Variants in NEDD9 observed in about 807,000 individuals in gnomAD.
NEDD9 encodes the protein neural precursor cell expressed, developmentally down-regulated 9.
A neutral mutation model predicts 76.6 loss-of-function variants in NEDD9; 26 were observed. That is an observed-to-expected ratio of 0.34 (90% CI 0.25 to 0.47). The LOEUF (loss-of-function observed/expected upper bound fraction) is 0.47. Among genes scored for constraint, NEDD9 ranks in the 20% least tolerant of loss-of-function variants. NEDD9 has a pLI of 1.00. For synonymous variants in NEDD9, 392 were observed against 414.2 expected (o/e 0.95, Z 0.65); for missense variants, 937 against 1,058.5 (o/e 0.89, Z 1.59).
chr6:11,313,127 T>C (rs888964963), intron 2 of NEDD9, among the ~76,000 whole-genome samples: 1 of 151,870 alleles, frequency 6.6e-6, no homozygotes, highest in African/African-American at 2.4e-5. Flanking sequence ...GATGGGTAGA[T>C]GAATGGATGG....
chr6:11,209,976 T>TTTTTTTTTTTTTTG (rs1291389337), intron 2 of NEDD9, among the ~76,000 whole-genome samples: 1 of 147,000 alleles, frequency 6.8e-6, no homozygotes, highest in Non-Finnish European at 1.5e-5. Context: ...CTGTCTTTTT[T>TTTTTTTTTTTTTTG]TTTTCCTTAA....
intron 2 of NEDD9, among the ~76,000 whole-genome samples, chr6:11,325,462 C>A (rs1292093439): frequency 1.3e-5 from 2 of 152,050 alleles, no homozygotes; most frequent in East Asian, 1.9e-4. Context: ...ATGCAAATTG[C>A]ATCATTTGGA....
At chr6:11,273,648 T>A (rs1204245421) in intron 3 of NEDD9, among the ~76,000 whole-genome samples, 1 of 152,176 alleles carries the variant, frequency 6.6e-6, no homozygotes, top group Non-Finnish European at 1.5e-5. Context: ...TATTTGAGGT[T>A]GTGAGTCAAT....
At chr6:11,279,124 C>T (rs537879076) in intron 3 of NEDD9, among the ~76,000 whole-genome samples, 5 of 152,156 alleles carry the variant, frequency 3.3e-5, no homozygotes, top group African/African-American at 1.2e-4. Flanking sequence ...TTGTCTTCAC[C>T]CTAAAAGGCT....
chr6:11,380,372 C>T (rs921217165), intron 1 of NEDD9, among the ~76,000 whole-genome samples: 4 of 152,164 alleles, frequency 2.6e-5, no homozygotes, highest in Admixed American at 1.3e-4. Context: ...TGAAGGGCCC[C>T]GCCACTGTGG....
At chr6:11,282,941 T>C (rs1165216371) in intron 3 of NEDD9, among the ~76,000 whole-genome samples, 2 of 152,238 alleles carry the variant, frequency 1.3e-5, no homozygotes, top group Admixed American at 6.5e-5. Context: ...GTCGTTATGA[T>C]CACCTACAAT....
chr6:11,314,842 C>G (rs1003595089), intron 2 of NEDD9, among the ~76,000 whole-genome samples: 1 of 150,408 alleles, frequency 6.6e-6, no homozygotes, highest in Non-Finnish European at 1.5e-5. Flanking sequence ...TCAGTTTCCT[C>G]AGGCATCAAA....
chr6:11,232,676 C>T, upstream of NEDD9: 2 of 1,492,824 alleles, frequency 1.3e-6, no homozygotes, highest in Non-Finnish European at 8.9e-7. Context: ...TCTGAGCTCA[C>T]TGTTGTGACT....
intron 3 of NEDD9, among the ~76,000 whole-genome samples, chr6:11,278,502 T>A (rs184474344): frequency 6.6e-6 from 1 of 152,322 alleles, no homozygotes; most frequent in East Asian, 1.9e-4. Flanking sequence ...CTCTCCTAGC[T>A]TGAGGTCACA....
intron 3 of NEDD9, among the ~76,000 whole-genome samples, chr6:11,301,753 T>C (rs1220841021): frequency 1.3e-5 from 2 of 152,174 alleles, no homozygotes; most frequent in Non-Finnish European, 2.9e-5. Flanking sequence ...AACAACATGC[T>C]CCTGAATGAC....
intron 1 of NEDD9, among the ~76,000 whole-genome samples, chr6:11,368,082 T>C (rs1762800228): frequency 6.6e-6 from 1 of 152,166 alleles, no homozygotes; most frequent in Non-Finnish European, 1.5e-5. Flanking sequence ...GCAACTCAAT[T>C]ACCCAGGGCC....
upstream of NEDD9, among the ~76,000 whole-genome samples, chr6:11,236,952 G>A (rs1413034811): frequency 6.6e-6 from 1 of 152,068 alleles, no homozygotes; most frequent in East Asian, 1.9e-4. This position sits in a 1 kb window ranked among gnomAD's most constrained non-coding sequence, Gnocchi z 5.5. Context: ...TTGGGAGTGT[G>A]GGGTTGCCGG....
chr6:11,285,822 C>G (rs1422729712), intron 3 of NEDD9, among the ~76,000 whole-genome samples: 1 of 152,114 alleles, frequency 6.6e-6, no homozygotes, highest in African/African-American at 2.4e-5. Flanking sequence ...AAATAGTGCA[C>G]TTCAGTTCAT....
chr6:11,327,669 G>A (rs1390333984), intron 2 of NEDD9, among the ~76,000 whole-genome samples: 1 of 152,210 alleles, frequency 6.6e-6, no homozygotes, highest in East Asian at 1.9e-4. Flanking sequence ...AGTGAAAGAG[G>A]GCCTGCTGGA....
chr6:11,186,368 C>T (rs929796815), intron 6 of NEDD9, among the ~76,000 whole-genome samples: 5 of 152,180 alleles, frequency 3.3e-5, no homozygotes, highest in Admixed American at 3.3e-4. Context: ...GAGTCAGATG[C>T]ATCAGGTGCT....
chr6:11,192,749 A>G (rs1758183573), intron 3 of NEDD9, among the ~76,000 whole-genome samples: 1 of 150,866 alleles, frequency 6.6e-6, no homozygotes, highest in Non-Finnish European at 1.5e-5. Context: ...CCTGGCCAAC[A>G]TGGTAAAACC....
At chr6:11,318,864 A>AT (rs768285540) in intron 2 of NEDD9, among the ~76,000 whole-genome samples, 9 of 152,344 alleles carry the variant, frequency 5.9e-5, no homozygotes, top group Non-Finnish European at 8.8e-5. Flanking sequence ...AGCGTCTCTG[A>AT]TAACCCAGTT....
chr6:11,353,759 T>C (rs982890746), intron 1 of NEDD9, among the ~76,000 whole-genome samples: 1 of 152,216 alleles, frequency 6.6e-6, no homozygotes, highest in African/African-American at 2.4e-5. Flanking sequence ...AAATTAGAGA[T>C]GTATTACATG....
intron 1 of NEDD9, among the ~76,000 whole-genome samples, chr6:11,227,722 C>T (rs1184275973): frequency 6.6e-6 from 1 of 152,136 alleles, no homozygotes; most frequent in East Asian, 1.9e-4. Flanking sequence ...CAGTAGGCAA[C>T]CTATCTGAGT....
Sources: allele counts gnomAD v4.1 joint callset (sites outside exome capture counted in the v4.1 genomes callset), GRCh38; gene constraint gnomAD v4.1.1; non-coding constraint Gnocchi (gnomAD v3.1); transcripts MANE v1.5; gene names NCBI Gene and HGNC (gene_info 2026-07-23, HGNC 2026-07-21).